PTPN2: variants seen among roughly 807,000 people sequenced by gnomAD.
The protein encoded by PTPN2 is tyrosine-protein phosphatase non-receptor type 2.
A neutral mutation model predicts 57.3 loss-of-function variants in PTPN2; 19 were observed. The observed-to-expected ratio is 0.33, with a 90% CI of 0.23 to 0.49. The LOEUF (loss-of-function observed/expected upper bound fraction) is 0.49, where lower values mean the gene tolerates loss of function less well. Ranked by LOEUF, PTPN2 falls within the 20% of genes least tolerant of loss-of-function variation. The pLI, the probability that PTPN2 is intolerant of heterozygous loss-of-function variation, is 0.99. For synonymous variants in PTPN2, 153 were observed against 164.9 expected (o/e 0.93, Z 0.55); for missense variants, 358 against 501.1 (o/e 0.71, Z 2.73).
chr18:12,802,706 T>G (rs918307138), intron 7 of PTPN2, among the ~76,000 whole-genome samples: 1 of 151,942 alleles, frequency 6.6e-6, no homozygotes, highest in African/African-American at 2.4e-5. Flanking sequence ...AAGAACAGAC[T>G]GTAGAGAATG....
Position 12,794,443 on chromosome 18 carries a change from T to C in PTPN2, c.1083A>G (p.Thr361=). The C allele has an allele frequency of 6.2e-7, 1 of 1,614,120 alleles. No homozygotes were observed. Among genetic ancestry groups the C allele is most frequent in the South Asian group, 1.1e-5 (1 of 91,072 alleles). The change falls in exon 9 of 9, where the codon ACA becomes ACG. Residue 361 remains threonine (T), a synonymous_variant. Transcript: ENST00000309660. The stretch of plus-strand genomic sequence containing the variant: ...GTTTCATCTGCTGCACCTTCTGAGC[T>C]GTGGTGGCCTTTCTGTCCTCTCGAA... The part of the protein sequence containing the change: ...KRIREDRKAT[T]AQKVQQMKQR...
At chr18:12,844,357 C>T in intron 2 of PTPN2, among the ~76,000 whole-genome samples, 1 of 152,166 alleles carries the variant, frequency 6.6e-6, no homozygotes, top group Non-Finnish European at 1.5e-5. Flanking sequence ...TAAGAAACTG[C>T]CAAACTATTT....
At chr18:12,804,317 A>G (rs1377333239) in intron 7 of PTPN2, among the ~76,000 whole-genome samples, 1 of 150,438 alleles carries the variant, frequency 6.6e-6, no homozygotes, top group African/African-American at 2.4e-5. Context: ...AAAGAAAAAG[A>G]AAGTTCTCAA....
At chr18:12,817,746 C>G (rs1598777820) in intron 5 of PTPN2, among the ~76,000 whole-genome samples, 1 of 152,148 alleles carries the variant, frequency 6.6e-6, no homozygotes, top group Non-Finnish European at 1.5e-5. Context: ...TTTGAAGCAA[C>G]CTGGGGCAGC....
At chr18:12,795,294 G>A (rs921001150) in intron 8 of PTPN2, among the ~76,000 whole-genome samples, 3 of 152,030 alleles carry the variant, frequency 2.0e-5, no homozygotes, top group African/African-American at 7.2e-5. Flanking sequence ...TTTTTTTGGG[G>A]TGGTGGGGGA....
chr18:12,789,848 A>G (rs999253746), downstream of PTPN2, among the ~76,000 whole-genome samples: 6 of 135,412 alleles, frequency 4.4e-5, no homozygotes, highest in East Asian at 2.4e-4. Context: ...TCTATTTTAT[A>G]TATCTCTCTG....
chr18:12,883,241 G>A (rs2044723544), intron 1 of PTPN2, among the ~76,000 whole-genome samples: 1 of 152,226 alleles, frequency 6.6e-6, no homozygotes, highest in African/African-American at 2.4e-5. Flanking sequence ...GCGTTTCACT[G>A]TAGGGAAAGT....
chr18:12,832,240 C>A (rs2042694463), intron 3 of PTPN2, among the ~76,000 whole-genome samples: 1 of 152,140 alleles, frequency 6.6e-6, no homozygotes, highest in South Asian at 2.1e-4. Context: ...CCTAAGCCTC[C>A]CACGGAGCTG....
At chr18:12,800,199 C>G (rs2041364322) in intron 8 of PTPN2, among the ~76,000 whole-genome samples, 1 of 152,048 alleles carries the variant, frequency 6.6e-6, no homozygotes, top group Admixed American at 6.6e-5. Flanking sequence ...TTAGTAGTCT[C>G]CTCTGTATTT....
chr18:12,850,212 T>C (rs612058), intron 2 of PTPN2, among the ~76,000 whole-genome samples: 118,643 of 152,092 alleles, frequency 0.78, 47,035 homozygotes, highest in Middle Eastern at 0.87. Context: ...AATACTGGGC[T>C]AGGCACAGTG....
At chr18:12,824,999 T>C (rs1189195178) in intron 5 of PTPN2, among the ~76,000 whole-genome samples, 7 of 152,088 alleles carry the variant, frequency 4.6e-5, no homozygotes, top group Non-Finnish European at 5.9e-5. Flanking sequence ...AGTGGGAGGA[T>C]TTCTTGAGGC....
chr18:12,869,200 A>G (rs1168098152), intron 1 of PTPN2: 1 of 152,248 alleles, frequency 6.6e-6, no homozygotes, highest in Non-Finnish European at 1.5e-5. Context: ...TTTTTGAGAC[A>G]AAGTCTTGCC....
intron 2 of PTPN2, among the ~76,000 whole-genome samples, chr18:12,856,389 A>C (rs538338453): frequency 1.3e-5 from 2 of 152,276 alleles, no homozygotes; most frequent in South Asian, 4.1e-4. Flanking sequence ...AACATGGCTT[A>C]CTAGGGAGGC....
At chr18:12,880,782 C>T (rs2044643580) in intron 1 of PTPN2, 2 of 152,170 alleles carry the variant, frequency 1.3e-5, no homozygotes, top group African/African-American at 4.8e-5. Flanking sequence ...CTGTATCTTC[C>T]CTAGATGATC....
At chr18:12,816,046 G>C (rs1253736730) in intron 6 of PTPN2, among the ~76,000 whole-genome samples, 1 of 152,202 alleles carries the variant, frequency 6.6e-6, no homozygotes, top group Non-Finnish European at 1.5e-5. Flanking sequence ...GCTCAAACCT[G>C]TAATCCCAGC....
intron 1 of PTPN2, among the ~76,000 whole-genome samples, chr18:12,870,485 A>G (rs1170883377): frequency 3.9e-5 from 4 of 101,470 alleles, no homozygotes; most frequent in Admixed American, 1.1e-4. Flanking sequence ...AGAGAGAGAG[A>G]GAGAGAGAGA....
At chr18:12,870,651 G>C (rs1020643386) in intron 1 of PTPN2, among the ~76,000 whole-genome samples, 1 of 148,920 alleles carries the variant, frequency 6.7e-6, no homozygotes, top group Non-Finnish European at 1.5e-5. Context: ...TGGGACTACA[G>C]GCGCCCGCAA....
chr18:12,861,016 G>GT (rs1205638391), intron 1 of PTPN2, among the ~76,000 whole-genome samples: 4 of 152,110 alleles, frequency 2.6e-5, no homozygotes, highest in Non-Finnish European at 4.4e-5. Context: ...TTGTTTATTT[G>GT]TTTTTATAGA....
intron 6 of PTPN2, 22 bp downstream of exon 6, chr18:12,817,134 T>A: frequency 5.7e-6 from 9 of 1,584,646 alleles, no homozygotes; most frequent in Admixed American, 3.6e-5. Flanking sequence ...GAGATTAAAA[T>A]GAGATCGTAA....
Sources: allele counts gnomAD v4.1 joint callset (sites outside exome capture counted in the v4.1 genomes callset), GRCh38; gene constraint gnomAD v4.1.1; transcripts MANE v1.5; gene names NCBI Gene and HGNC (gene_info 2026-07-23, HGNC 2026-07-21).